The following MLLT1 variants were observed in gnomAD, a reference collection of about 807,000 sequenced individuals.
MLLT1 encodes protein ENL.
Under a neutral mutation model 55.1 loss-of-function variants are expected in MLLT1, and 11 were observed. The ratio of observed to expected loss-of-function variants is 0.20; its 90% CI spans 0.13 to 0.33. MLLT1 has a LOEUF of 0.33. Ranked by LOEUF, MLLT1 falls within the 10% of genes least tolerant of loss-of-function variation. The pLI, the probability that MLLT1 is intolerant of heterozygous loss-of-function variation, is 1.00. For missense variants in MLLT1, 536 were observed against 760.6 expected (o/e 0.70, Z 3.47); for synonymous variants, 323 against 320.1 (o/e 1.01, Z -0.10).
At chr19:6,261,892 C>T (rs186800736) in intron 3 of MLLT1, among the ~76,000 whole-genome samples, 12 of 152,290 alleles carry the variant, frequency 7.9e-5, no homozygotes, top group Admixed American at 6.5e-4. Context: ...ACACACGGCC[C>T]GGTTATTAAC....
At chr19:6,215,416 G>A (rs1269859924) in intron 8 of MLLT1, among the ~76,000 whole-genome samples, 1 of 152,198 alleles carries the variant, frequency 6.6e-6, no homozygotes, top group African/African-American at 2.4e-5. Flanking sequence ...CCCTCCTCGT[G>A]TCTAGAGTCT....
At chr19:6,249,106 C>T (rs1424790909) in intron 3 of MLLT1, among the ~76,000 whole-genome samples, 10 of 151,932 alleles carry the variant, frequency 6.6e-5, no homozygotes, top group African/African-American at 1.5e-4. Flanking sequence ...CAAATTGAGA[C>T]GTGCAGCAAG....
chr19:6,276,211 G>T (rs2091427264), intron 1 of MLLT1, among the ~76,000 whole-genome samples: 1 of 152,154 alleles, frequency 6.6e-6, no homozygotes, highest in Non-Finnish European at 1.5e-5. Context: ...GCTTTCCAGG[G>T]AGTAGCTTCA....
chr19:6,226,209 T>A lies in MLLT1; in HGVS notation c.546+768A>T, dbSNP rs2090955398. Among the ~76,000 whole-genome samples, 1 of 152,078 alleles carries A rather than the reference T, an allele frequency of 6.6e-6. No homozygotes were observed. Among genetic ancestry groups the A allele is most frequent in the South Asian group, 2.1e-4 (1 of 4,816 alleles). On this transcript the variant is annotated intron_variant, in intron 5 of 11. Coordinates refer to ENST00000252674, the MANE Select transcript of MLLT1 (RefSeq NM_005934.4). The surrounding 1 kb of genome is among the most constrained non-coding windows in gnomAD (Gnocchi z 6.3). ...AAAGGAGAGGACCGGTGGAGAGATG[T>A]GTGGGTGGCAGGCACCGGGCAGCTG...
intron 3 of MLLT1, among the ~76,000 whole-genome samples, chr19:6,233,096 C>G (rs2091028018): frequency 6.6e-6 from 1 of 152,212 alleles, no homozygotes; most frequent in African/African-American, 2.4e-5. Context: ...CACCCTCAGT[C>G]CTGGTGAGAG....
Position 6,226,401 on chromosome 19 carries a change from C to CAG in MLLT1, c.546+574_546+575dup. Among the ~76,000 whole-genome samples the CAG allele has an allele frequency of 6.6e-6, 1 of 152,328 alleles. No homozygotes were observed. Among genetic ancestry groups the CAG allele is most frequent in the Admixed American group, 6.5e-5 (1 of 15,306 alleles). ...AGGGATGGTTTAGAGAGAGAAGCCT[C>CAG]AGAAAGGCCGAGTGCCACCCACCTG... On this transcript the variant is annotated intron_variant, in intron 5 of 11. Coordinates refer to ENST00000252674, the MANE Select transcript of MLLT1 (RefSeq NM_005934.4). This position sits in a 1 kb window ranked among gnomAD's most constrained non-coding sequence, Gnocchi z 6.3.
intron 3 of MLLT1, among the ~76,000 whole-genome samples, chr19:6,261,406 G>A (rs1402976347): frequency 3.3e-5 from 5 of 152,160 alleles, no homozygotes; most frequent in Admixed American, 1.3e-4. Context: ...TGGCAGCCAC[G>A]CAGCCCGGCA....
chr19:6,212,805 C>T lies in MLLT1; in HGVS notation c.*237G>A. On this transcript the variant is annotated 3_prime_UTR_variant, in exon 12 of 12. Coordinates refer to ENST00000252674, the MANE Select transcript of MLLT1 (RefSeq NM_005934.4). Reference sequence around the variant, plus strand: ...AACACCAGCCGCTCTCTGAGGGGAGCCCAGAGAGCCCGGGGGGCGGCTCCC... The same window carrying T: ...AACACCAGCCGCTCTCTGAGGGGAGTCCAGAGAGCCCGGGGGGCGGCTCCC... 1 of 910,204 alleles carries T rather than the reference C, an allele frequency of 1.1e-6. No individual in the cohort carries two copies. Among genetic ancestry groups the T allele is most frequent in the Non-Finnish European group, 1.5e-6 (1 of 662,874 alleles). 56.4% of individuals were successfully genotyped at this position (910,204 alleles called of 1,614,324 possible).
chr19:6,213,375 T>C lies in MLLT1; in HGVS notation c.1513A>G (p.Arg505Gly). Reference protein sequence around the residue: ...YTDELVELHRRLMALRERNVL... With the variant: ...YTDELVELHRGLMALRERNVL... ...TTGCGCTCCCGCAGCGCCATCAGCC[T>C]CCGGTGTAGCTCCACCAGCTCATCC... Residue 505 changes from arginine (R) to glycine (G), a missense_variant, in exon 11 of 12, where the codon AGG (arginine) becomes GGG (glycine). Physicochemically the swap from Arg to Gly is moderately radical, Grantham distance 125. This residue lies in a region of MLLT1 where 449 missense variants were observed against 489.0 expected (regional missense o/e 0.92). Coordinates refer to ENST00000252674, the MANE Select transcript of MLLT1 (RefSeq NM_005934.4). 1 of 1,611,896 alleles carries C rather than the reference T, an allele frequency of 6.2e-7. No homozygotes were observed. Among genetic ancestry groups the C allele is most frequent in the Non-Finnish European group, 8.5e-7 (1 of 1,179,820 alleles).
intron 5 of MLLT1, among the ~76,000 whole-genome samples, chr19:6,224,901 T>C (rs1258412000): frequency 6.6e-6 from 1 of 152,158 alleles, no homozygotes; most frequent in Non-Finnish European, 1.5e-5. Flanking sequence ...GGCTAACTTT[T>C]TGTATTTTTA....
intron 3 of MLLT1, among the ~76,000 whole-genome samples, chr19:6,258,809 A>G (rs2091279683): frequency 6.6e-6 from 1 of 152,200 alleles, no homozygotes; most frequent in Non-Finnish European, 1.5e-5. Context: ...TTTTCATCGC[A>G]GGACCCTCAA....
At position 6,229,873 on chromosome 19, in the gene MLLT1, A is replaced by G. The variant is rs1472075310; in HGVS notation, c.420+697T>C. 6.6e-6 allele frequency among the ~76,000 whole-genome samples: 1 copy of G among 151,992 alleles called. No individual in the cohort carries two copies. The highest frequency in any genetic ancestry group is 6.6e-5 in the Admixed American group (1 of 15,262). ...TGACACACCACACACCGCACACGAC[A>G]CACAACACGCCACCCCAGCCCGCTC... is the stretch of plus-strand genomic sequence containing the variant. On this transcript the variant is annotated intron_variant, in intron 4 of 11. Coordinates refer to ENST00000252674, the MANE Select transcript of MLLT1 (RefSeq NM_005934.4). The surrounding 1 kb of genome is among the most constrained non-coding windows in gnomAD (Gnocchi z 5.2).
At chr19:6,245,232 T>C (rs2091156555) in intron 3 of MLLT1, among the ~76,000 whole-genome samples, 1 of 150,374 alleles carries the variant, frequency 6.7e-6, no homozygotes, top group South Asian at 2.1e-4. Flanking sequence ...TTTCTTTCTT[T>C]CTTCCATCTT....
At position 6,270,994 on chromosome 19, in the gene MLLT1, T is replaced by C. The variant is rs907700301; in HGVS notation, c.13-235A>G. Among the ~76,000 whole-genome samples the C allele has an allele frequency of 1.3e-5, 2 of 151,936 alleles. No individual in the cohort carries two copies. Among genetic ancestry groups the C allele is most frequent in the African/African-American group, 4.8e-5 (2 of 41,376 alleles). On this transcript the variant is annotated intron_variant, in intron 1 of 11. Coordinates refer to ENST00000252674, the MANE Select transcript of MLLT1 (RefSeq NM_005934.4). This position sits in a 1 kb window ranked among gnomAD's most constrained non-coding sequence, Gnocchi z 7.1. Reference sequence around the variant, plus strand: ...GTGTCTCCTCTCATCCACCGCCTCATCCTCAATTCCACCCGCACAGCCTCC... The same window carrying C: ...GTGTCTCCTCTCATCCACCGCCTCACCCTCAATTCCACCCGCACAGCCTCC...
At chr19:6,246,283 C>A (rs1362986656) in intron 3 of MLLT1, among the ~76,000 whole-genome samples, 1 of 152,148 alleles carries the variant, frequency 6.6e-6, no homozygotes, top group Non-Finnish European at 1.5e-5. Context: ...GCAATCTCCA[C>A]TCATTTACCC....
Position 6,227,108 on chromosome 19 carries a change from G to A in MLLT1, c.421-6C>T, listed in dbSNP as rs2090963407. 6.3e-7 allele frequency: 1 copy of A among 1,593,512 alleles called. No homozygotes were observed. The highest frequency in any genetic ancestry group is 1.8e-5 in the Admixed American group (1 of 55,922). On this transcript the variant is annotated splice_polypyrimidine_tract_variant and splice_region_variant and intron_variant, in intron 4 of 11. Transcript: ENST00000252674. The surrounding 1 kb of genome is among the most constrained non-coding windows in gnomAD (Gnocchi z 5.1). ...CCTTCGGGCATTACCATCACCTAGT[G>A]ACAGAGAAGAGACAGTCATTATCGA...
At chr19:6,246,436 G>A (rs73555996) in intron 3 of MLLT1, among the ~76,000 whole-genome samples, 2,136 of 152,242 alleles carry the variant, frequency 0.014, 62 homozygotes, top group African/African-American at 0.046. Flanking sequence ...CCCATGCAGC[G>A]GAACACTCCT....
At chr19:6,266,667 G>T (rs1443676315) in intron 2 of MLLT1, among the ~76,000 whole-genome samples, 1 of 152,124 alleles carries the variant, frequency 6.6e-6, no homozygotes, top group African/African-American at 2.4e-5. Context: ...ATGTTGGCCA[G>T]ACTGGTCTTG....
Position 6,235,775 on chromosome 19 carries a change from T to C in MLLT1, c.277-5062A>G, listed in dbSNP as rs2091055136. Among the ~76,000 whole-genome samples, 1 of 152,102 alleles carries C rather than the reference T, an allele frequency of 6.6e-6. No individual in the cohort carries two copies. Among genetic ancestry groups the C allele is most frequent in the African/African-American group, 2.4e-5 (1 of 41,422 alleles). On this transcript the variant is annotated intron_variant, in intron 3 of 11. Transcript: ENST00000252674. The surrounding 1 kb of genome is among the most constrained non-coding windows in gnomAD (Gnocchi z 5.5). ...CTCAGGGCTCACCCTAGCCCACCAA[T>C]GGCCTCGATGAGCCTGGAGGAGGCT...
Sources: gnomAD v4.1 joint callset for allele counts (sites outside exome capture counted in the v4.1 genomes callset) on GRCh38, gnomAD v4.1.1 for gene constraint, gnomAD v4.1.1 regional missense constraint, Gnocchi (gnomAD v3.1) non-coding constraint, MANE v1.5 for transcripts, NCBI Gene and HGNC (gene_info 2026-07-23, HGNC 2026-07-21) for gene names.